Variants in CDK12 observed in about 807,000 individuals in gnomAD.
The protein encoded by CDK12 is cyclin-dependent kinase 12.
A neutral mutation model predicts 133.8 loss-of-function variants in CDK12; 17 were observed. The ratio of observed to expected loss-of-function variants is 0.13; its 90% CI spans 0.09 to 0.19. CDK12 has a LOEUF of 0.19. CDK12 is among the 10% of genes least tolerant of loss of function. The pLI, the probability that CDK12 is intolerant of heterozygous loss-of-function variation, is 1.00. For synonymous variants in CDK12, 694 were observed against 683.6 expected (o/e 1.02, Z -0.24); for missense variants, 1,508 against 1,818.7 (o/e 0.83, Z 3.11).
intron 2 of CDK12, among the ~76,000 whole-genome samples, chr17:39,484,603 C>A (rs2145669854): frequency 6.6e-6 from 1 of 152,204 alleles, no homozygotes; most frequent in Non-Finnish European, 1.5e-5. Context: ...AATTGTATAT[C>A]CTGAACTGGT....
At chr17:39,489,171 C>T (rs2051376944) in intron 2 of CDK12, among the ~76,000 whole-genome samples, 1 of 151,756 alleles carries the variant, frequency 6.6e-6, no homozygotes, top group Non-Finnish European at 1.5e-5. Context: ...ACCTCCACCC[C>T]TGGGGTTCAA....
chr17:39,465,293 A>G (rs923090185), intron 1 of CDK12, among the ~76,000 whole-genome samples: 1 of 147,958 alleles, frequency 6.8e-6, no homozygotes, highest in Non-Finnish European at 1.5e-5. Flanking sequence ...TAATCTATCT[A>G]CCTGTCCATT....
chr17:39,473,222 TCCTGA>T (rs1180779826), intron 2 of CDK12, among the ~76,000 whole-genome samples: 1 of 152,076 alleles, frequency 6.6e-6, no homozygotes, highest in African/African-American at 2.4e-5. Flanking sequence ...GTTTTTTCTC[TCCTGA>T]TCCCAGGGTC....
intron 1 of CDK12, among the ~76,000 whole-genome samples, chr17:39,466,348 A>G (rs1295529074): frequency 1.3e-5 from 2 of 149,628 alleles, no homozygotes; most frequent in African/African-American, 4.9e-5. Flanking sequence ...GGCGCAGTGG[A>G]TCACGCCTGT....
rs754691158 is a variant in CDK12 at position 39,531,082 on chromosome 17, C to G, written c.4239C>G (p.His1413Gln). 1.3e-6 allele frequency: 2 copies of G among 1,599,914 alleles called. No homozygotes were observed. The highest frequency in any genetic ancestry group is 1.3e-5 in the African/African-American group (1 of 74,362). ...TTGCCAGGGTCCCCTTAGCGTTACACCCGGTGGTCGGGCAACCATTCCTGA... is the reference window on the plus strand; with the variant it reads ...TTGCCAGGGTCCCCTTAGCGTTACAGCCGGTGGTCGGGCAACCATTCCTGA... Reference protein sequence around the residue: ...LRFARVPLALHPVVGQPFLKA... With the variant: ...LRFARVPLALQPVVGQPFLKA... The change falls in exon 14 of 14, where the codon CAC becomes CAG. Residue 1413 changes from histidine (H) to glutamine (Q), a missense_variant. Physicochemically the swap from His to Gln is conservative, Grantham distance 24. This residue lies in a region of CDK12 where 114 missense variants were observed against 101.2 expected (regional missense o/e 1.13). Transcript: ENST00000447079.
At chr17:39,480,606 A>G (rs1204694314) in intron 2 of CDK12, among the ~76,000 whole-genome samples, 1 of 151,954 alleles carries the variant, frequency 6.6e-6, no homozygotes, top group Non-Finnish European at 1.5e-5. Flanking sequence ...TATGTGTAGT[A>G]GAGAGAGGGT....
In CDK12 at chr17:39,494,711, A is replaced by T. The variant is rs1333673625; in HGVS notation, c.2419+17A>T. On this transcript the variant is annotated intron_variant, in intron 5 of 13. Coordinates refer to ENST00000447079, the MANE Select transcript of CDK12 (RefSeq NM_016507.4). ...AGGACAAAGGTACTAGCAAAGAATC[A>T]CATTTTTACAGGGTAGACTGGTCCA... 7.8e-6 allele frequency: 12 copies of T among 1,533,114 alleles called. No homozygotes were observed. Among genetic ancestry groups the T allele is most frequent in the Non-Finnish European group, 8.9e-7 (1 of 1,129,478 alleles). The allele number at this position is 1,533,114 out of a possible 1,614,324, so 95.0% of individuals were successfully genotyped here. A position where few individuals can be genotyped will look rare whatever the true frequency, so the allele number is the denominator to read the frequency against.
chr17:39,530,730 C>T lies in CDK12; in HGVS notation c.3887C>T (p.Ala1296Val), dbSNP rs990242263. The T allele has an allele frequency of 1.2e-5, 20 of 1,613,954 alleles. No homozygotes were observed. The highest frequency in any genetic ancestry group is 2.7e-5 in the African/African-American group (2 of 74,878). The change falls in exon 14 of 14, where the codon GCC (alanine) becomes GTC (valine). Residue 1296 changes from alanine (A) to valine (V), a missense_variant. Coordinates refer to ENST00000447079, the MANE Select transcript of CDK12 (RefSeq NM_016507.4). ...LSSAPQELNP[A>V]VTAALLQLLS... ...AGCGCCCCCCAGGAGTTGAACCCAG[C>T]CGTGACAGCCGCCTTGCTGCAACTT... is the stretch of plus-strand genomic sequence containing the variant.
chr17:39,497,277 C>G (rs2052202885), intron 5 of CDK12, among the ~76,000 whole-genome samples: 1 of 152,058 alleles, frequency 6.6e-6, no homozygotes, highest in African/African-American at 2.4e-5. Flanking sequence ...GGTGTGGTTG[C>G]TTATGCCTAT....
chr17:39,479,610 T>TTTTTG (rs890142226), intron 2 of CDK12, among the ~76,000 whole-genome samples: 6 of 152,180 alleles, frequency 3.9e-5, no homozygotes, highest in East Asian at 3.9e-4. Flanking sequence ...TGTCTGTTTT[T>TTTTTG]TTTTGTTTTG....
rs1480724836 is a variant in CDK12 at position 39,491,018 on chromosome 17, G to A, written c.2108+285G>A. On this transcript the variant is annotated intron_variant, in intron 3 of 13. Transcript: ENST00000447079. ...GTCTTTTTTATTCATAATATTTAGA[G>A]TACTAAGGAAGAATAAAAGCTTTTT... Among the ~76,000 whole-genome samples, 3 of 151,846 alleles carry A rather than the reference G, an allele frequency of 2.0e-5. No individual in the cohort carries two copies. In the East Asian group the frequency reaches 5.8e-4, roughly 29 times the overall value.
chr17:39,523,335 C>T (rs1488715748), intron 11 of CDK12, among the ~76,000 whole-genome samples: 3 of 151,784 alleles, frequency 2.0e-5, no homozygotes, highest in African/African-American at 7.3e-5. Flanking sequence ...ATTAGCCAGG[C>T]GTAGTGGCGT....
chr17:39,558,771 G>A (rs1223430397), intron 3 of CDK12, among the ~76,000 whole-genome samples: 13 of 152,124 alleles, frequency 8.5e-5, no homozygotes, highest in African/African-American at 2.2e-4. Context: ...AGCCTCCCAC[G>A]TAGCTGGGAT....
intron 1 of CDK12, among the ~76,000 whole-genome samples, chr17:39,464,445 A>G (rs1030785803): frequency 6.8e-6 from 1 of 146,320 alleles, no homozygotes; most frequent in Non-Finnish European, 1.5e-5. Context: ...CCTGTTGCCC[A>G]GGATGGTCTT....
Position 39,481,649 on chromosome 17 carries a change from T to G in CDK12, c.1932-8908T>G, listed in dbSNP as rs1227764648. Among the ~76,000 whole-genome samples the G allele has an allele frequency of 4.0e-3, 70 of 17,340 alleles. 7 individuals are homozygous for G. The highest frequency in any genetic ancestry group is 0.012 in the Admixed American group (22 of 1,874). The allele number at this position is 17,340 out of a possible 152,430, so 11.4% of individuals were successfully genotyped here. On this transcript the variant is annotated intron_variant, in intron 2 of 13. Coordinates refer to ENST00000447079, the MANE Select transcript of CDK12 (RefSeq NM_016507.4). The stretch of plus-strand genomic sequence containing the variant: ...CGCTCGCGCGCTCTCTCTCTCTCTC[T>G]CTCTCTCTCTCTCTCTCTCTCTCTC...
chr17:39,565,395 TGAGCCACCGCACCCAGC>T (rs1442562606), downstream of CDK12, among the ~76,000 whole-genome samples: 1 of 150,542 alleles, frequency 6.6e-6, no homozygotes, highest in African/African-American at 2.4e-5. Flanking sequence ...ATTACAGGCG[TGAGCCACCGCACCCAGC>T]CTGTTTGTTT....
intron 2 of CDK12, among the ~76,000 whole-genome samples, chr17:39,489,728 G>T (rs898288250): frequency 1.5e-4 from 23 of 150,278 alleles, no homozygotes; most frequent in African/African-American, 4.6e-4. Context: ...TTTTGATCTC[G>T]TGATCTGCCC....
At chr17:39,534,776 T>C (rs560969165), downstream of CDK12, 59 of 172,476 alleles carry the variant, frequency 3.4e-4, no homozygotes, top group African/African-American at 1.2e-3. Flanking sequence ...TGAAATGTGA[T>C]TTTTTTAAAG....
chr17:39,497,077 C>T (rs749998931), intron 5 of CDK12, among the ~76,000 whole-genome samples: 2 of 151,870 alleles, frequency 1.3e-5, no homozygotes, highest in Non-Finnish European at 2.9e-5. Context: ...CTTAAACAGG[C>T]GCACGCCACC....
Sources: gnomAD v4.1 joint callset for allele counts (sites outside exome capture counted in the v4.1 genomes callset) on GRCh38, gnomAD v4.1.1 for gene constraint, gnomAD v4.1.1 regional missense constraint, MANE v1.5 for transcripts, NCBI Gene and HGNC (gene_info 2026-07-23, HGNC 2026-07-21) for gene names.